Variants in MBD5 observed in about 807,000 individuals in gnomAD.
MBD5 encodes methyl-CpG binding domain protein 5, also known as methyl-CpG-binding domain protein 5.
MBD5 carries 13 observed loss-of-function variants against 117.3 expected under a neutral mutation model. The ratio of observed to expected loss-of-function variants is 0.11; its 90% CI spans 0.07 to 0.18. The LOEUF (loss-of-function observed/expected upper bound fraction) is 0.18, where lower values mean the gene tolerates loss of function less well. Ranked by LOEUF, MBD5 falls within the 10% of genes least tolerant of loss-of-function variation. MBD5 has a pLI of 1.00. For missense variants in MBD5, 1,879 were observed against 2,093.8 expected (o/e 0.90, Z 2.00); for synonymous variants, 727 against 766.4 (o/e 0.95, Z 0.85).
chr2:148,425,951 A>T (rs1356651410), intron 4 of MBD5, among the ~76,000 whole-genome samples: 6 of 152,184 alleles, frequency 3.9e-5, no homozygotes, highest in Admixed American at 3.9e-4. Flanking sequence ...ACTTCAGCAA[A>T]GTCTCAGGAT....
intron 4 of MBD5, among the ~76,000 whole-genome samples, chr2:148,452,957 A>G (rs997864107): frequency 6.6e-6 from 1 of 152,202 alleles, no homozygotes; most frequent in African/African-American, 2.4e-5. Flanking sequence ...ATAAGCCCAC[A>G]TGGTAAAAAA....
At chr2:148,313,319 G>T (rs185821431) in intron 3 of MBD5, among the ~76,000 whole-genome samples, 23 of 152,308 alleles carry the variant, frequency 1.5e-4, no homozygotes, top group Admixed American at 5.2e-4. Context: ...CCCTGACTGG[G>T]GCTGCTGCCT....
intron 2 of MBD5, among the ~76,000 whole-genome samples, chr2:148,182,014 C>T (rs1698544386): frequency 6.6e-6 from 1 of 151,750 alleles, no homozygotes; most frequent in Non-Finnish European, 1.5e-5. Context: ...CCTTCCTTCC[C>T]ATCTTTATAT....
intron 5 of MBD5, among the ~76,000 whole-genome samples, chr2:148,461,851 A>G (rs1707092585): frequency 1.3e-5 from 2 of 152,154 alleles, no homozygotes; most frequent in Admixed American, 1.3e-4. Flanking sequence ...ACTTCGTAAC[A>G]TTGAAGTACC....
intron 4 of MBD5, chr2:148,447,482 T>C (rs1017660632): frequency 6.6e-6 from 1 of 152,138 alleles, no homozygotes; most frequent in Non-Finnish European, 1.5e-5. Flanking sequence ...GTAGGATAAA[T>C]GGTTATTTAG....
intron 3 of MBD5, among the ~76,000 whole-genome samples, chr2:148,327,524 G>T (rs982873362): frequency 3.9e-4 from 60 of 152,134 alleles, no homozygotes; most frequent in African/African-American, 1.3e-3. Context: ...CATATTTCTT[G>T]GAGGCTTTGC....
Position 148,101,334 on chromosome 2 carries a change from T to C in MBD5, c.-924-77366T>C, listed in dbSNP as rs191329886. Among the ~76,000 whole-genome samples, 241 of 151,988 alleles carry C rather than the reference T, an allele frequency of 1.6e-3. 4 individuals carry two copies. Among genetic ancestry groups the C allele is most frequent in the African/African-American group, 5.5e-3 (228 of 41,470 alleles). ...AAAATTAGCCAGGCATGGTGGCACATGCCTATATTACTAGTCATTCAGGTG... is the reference window on the plus strand; with the variant it reads ...AAAATTAGCCAGGCATGGTGGCACACGCCTATATTACTAGTCATTCAGGTG... On this transcript the variant is annotated intron_variant, in intron 1 of 13. Transcript: ENST00000642680.
intron 3 of MBD5, chr2:148,264,697 T>C (rs1163587573): frequency 6.6e-6 from 1 of 152,190 alleles, no homozygotes; most frequent in African/African-American, 2.4e-5. Context: ...AATGAAGAAA[T>C]GTAAAGCCTT....
chr2:148,356,070 C>T (rs1363844403), intron 4 of MBD5, among the ~76,000 whole-genome samples: 1 of 152,036 alleles, frequency 6.6e-6, no homozygotes, highest in African/African-American at 2.4e-5. Context: ...GTATTTTATT[C>T]TCTTTGTAGC....
intron 1 of MBD5, among the ~76,000 whole-genome samples, chr2:148,161,500 A>T (rs1309120813): frequency 6.6e-6 from 1 of 152,242 alleles, no homozygotes; most frequent in Non-Finnish European, 1.5e-5. Flanking sequence ...TTGTCCACAC[A>T]GAGAAAGTAT....
chr2:148,427,569 C>T (rs1206619070), intron 4 of MBD5, among the ~76,000 whole-genome samples: 2 of 151,758 alleles, frequency 1.3e-5, no homozygotes, highest in Non-Finnish European at 2.9e-5. Flanking sequence ...AGTTCTCACT[C>T]ATAGGTGGGA....
intron 4 of MBD5, among the ~76,000 whole-genome samples, chr2:148,345,404 CACATATACATATACATATATACACATAT>C (rs1703074252): frequency 7.4e-6 from 1 of 134,310 alleles, no homozygotes; most frequent in African/African-American, 2.6e-5. Flanking sequence ...TACATATATA[CACATATACATATACATATATACACATAT>C]ACATATGTAT....
In MBD5 at chr2:148,515,004, CTTT is replaced by C. The variant is rs1682314641; in HGVS notation, c.*2065_*2067del. 1 of 152,142 alleles carries C rather than the reference CTTT, an allele frequency of 6.6e-6. No homozygotes were observed. The highest frequency in any genetic ancestry group is 2.1e-4 in the South Asian group (1 of 4,830). 9.4% of individuals were successfully genotyped at this position (152,142 alleles called of 1,614,324 possible). A position where few individuals can be genotyped will look rare whatever the true frequency, so the allele number is the denominator to read the frequency against. Reference sequence around the variant, plus strand: ...CCTTCATGCAGTCACATGAAGTAATCTTTTGTGTAGTTTAGTTGACACATGTTT... The same window carrying C: ...CCTTCATGCAGTCACATGAAGTAATCTGTGTAGTTTAGTTGACACATGTTT... On this transcript the variant is annotated 3_prime_UTR_variant, in exon 14 of 14. Coordinates refer to ENST00000642680, the MANE Select transcript of MBD5 (RefSeq NM_001378120.1).
chr2:148,242,359 A>AT (rs1255665986), intron 3 of MBD5, among the ~76,000 whole-genome samples: 3 of 133,936 alleles, frequency 2.2e-5, no homozygotes, highest in Non-Finnish European at 4.8e-5. Context: ...CCAGAGGTTC[A>AT]TTTCTATATT....
chr2:148,364,154 A>C (rs535957452), intron 4 of MBD5, among the ~76,000 whole-genome samples: 2 of 152,352 alleles, frequency 1.3e-5, no homozygotes, highest in South Asian at 4.1e-4. Context: ...TCTCAGTAGA[A>C]ACCCTACAAG....
chr2:148,139,150 A>G (rs1291974709), intron 1 of MBD5, among the ~76,000 whole-genome samples: 1 of 152,136 alleles, frequency 6.6e-6, no homozygotes, highest in Non-Finnish European at 1.5e-5. Flanking sequence ...GGCTCAGAGG[A>G]TGTATTGGTC....
intron 2 of MBD5, among the ~76,000 whole-genome samples, chr2:148,198,124 C>CA (rs1699043122): frequency 6.6e-6 from 1 of 152,112 alleles, no homozygotes; most frequent in South Asian, 2.1e-4. Context: ...ATGCCATAAT[C>CA]AATACAGATT....
chr2:148,420,587 T>C (rs1413830373), intron 4 of MBD5, among the ~76,000 whole-genome samples: 2 of 152,214 alleles, frequency 1.3e-5, no homozygotes, highest in Admixed American at 6.5e-5. Context: ...TTTAGAACAG[T>C]TTGATACTAT....
intron 1 of MBD5, among the ~76,000 whole-genome samples, chr2:148,090,345 C>T (rs1311298277): frequency 1.3e-5 from 2 of 151,986 alleles, no homozygotes; most frequent in Non-Finnish European, 2.9e-5. Context: ...TTCTATGAAG[C>T]CAGTATCATC....
Sources: gnomAD v4.1 joint callset for allele counts (sites outside exome capture counted in the v4.1 genomes callset) on GRCh38, gnomAD v4.1.1 for gene constraint, MANE v1.5 for transcripts, NCBI Gene and HGNC (gene_info 2026-07-23, HGNC 2026-07-21) for gene names.